Variants in VPS13D observed in about 807,000 individuals in gnomAD.
The protein encoded by VPS13D is vacuolar protein sorting 13 homolog D.
VPS13D carries 187 observed loss-of-function variants against 461.9 expected under a neutral mutation model. That is an observed-to-expected ratio of 0.40 (90% CI 0.36 to 0.46). VPS13D has a LOEUF of 0.46. VPS13D is among the 20% of genes least tolerant of loss of function. The probability of loss-of-function intolerance (pLI) is 0.60; values close to 1 mark genes in which losing one functional copy is unlikely to be tolerated. For synonymous variants in VPS13D, 1,951 were observed against 1,986.3 expected, an observed-to-expected ratio of 0.98 and a Z score of 0.47; for missense variants, 4,711 against 5,364.9, an observed-to-expected ratio of 0.88 and a Z score of 3.81.
intron 52 of VPS13D, among the ~76,000 whole-genome samples, chr1:12,364,759 A>C (rs1199650211): frequency 6.6e-6 from 1 of 152,174 alleles, no homozygotes. Context: ...AGTGATGTTG[A>C]GCATCTTTTC....
At position 12,338,088 on chromosome 1, in the gene VPS13D, ATC is replaced by A. The variant is rs1569944466; in HGVS notation, c.8552-142_8552-141del. 4 of 690,778 alleles carry A rather than the reference ATC, an allele frequency of 5.8e-6. No homozygotes were observed. The East Asian group carries it at 1.0e-4, about 17-fold the overall frequency. The allele number at this position is 690,778 out of a possible 1,614,324, so 42.8% of individuals were successfully genotyped here. On this transcript the variant is annotated intron_variant, in intron 39 of 69. Transcript: ENST00000620676. ...TCAAGTACATTCGTAGTGCTTAGTA[ATC>A]ACTGATGGGAATGACTCTGTACTTG... is the stretch of plus-strand genomic sequence containing the variant.
chr1:12,358,472 A>T lies in VPS13D; in HGVS notation c.10012A>T (p.Ile3338Phe). Residue 3338 changes from isoleucine to phenylalanine, a missense_variant, in exon 50 of 70, where the codon ATC (isoleucine) becomes TTC (phenylalanine). This residue lies in a region of VPS13D where 4,411 missense variants were observed against 4,937.8 expected (regional missense o/e 0.89). Coordinates refer to ENST00000620676, the MANE Select transcript of VPS13D (RefSeq NM_015378.4). ...TCTGCCCCACAGCTGCACGATGAGA[A>T]TCGGAAGGGGGATTCATCCAGAAGG... ...KEQPNLCTMR[I>F]GRGIHPEGMP... 1 of 1,614,046 alleles carries T rather than the reference A, an allele frequency of 6.2e-7. No homozygotes were observed. Among genetic ancestry groups the T allele is most frequent in the Non-Finnish European group, 8.5e-7 (1 of 1,179,972 alleles).
Position 12,234,229 on chromosome 1 carries a change from T to C in VPS13D, c.-38T>C, listed in dbSNP as rs1260567786. 1 of 1,370,732 alleles carries C rather than the reference T, an allele frequency of 7.3e-7. No homozygotes were observed. The highest frequency in any genetic ancestry group is 1.0e-6 in the Non-Finnish European group (1 of 969,050). The allele number at this position is 1,370,732 out of a possible 1,614,324, so 84.9% of individuals were successfully genotyped here. On this transcript the variant is annotated 5_prime_UTR_variant, in exon 2 of 70. Coordinates refer to ENST00000620676, the MANE Select transcript of VPS13D (RefSeq NM_015378.4). ...CATGAAAGAGAGAAATAAAGAATGATCCATGATTTCTAAACACCTTTTCCT... is the reference window on the plus strand; with the variant it reads ...CATGAAAGAGAGAAATAAAGAATGACCCATGATTTCTAAACACCTTTTCCT...
intron 63 of VPS13D, among the ~76,000 whole-genome samples, chr1:12,404,598 C>T (rs1644626093): frequency 6.6e-6 from 1 of 152,192 alleles, no homozygotes; most frequent in Non-Finnish European, 1.5e-5. Context: ...AGTTTATCTT[C>T]ATCAAGGAAG....
chr1:12,389,611 A>C (rs1178068187), intron 60 of VPS13D, among the ~76,000 whole-genome samples: 1 of 152,230 alleles, frequency 6.6e-6, no homozygotes, highest in East Asian at 1.9e-4. Flanking sequence ...AGAAAGAGGA[A>C]ATACTCATGA....
chr1:12,488,227 A>G (rs934927843), intron 67 of VPS13D, among the ~76,000 whole-genome samples: 2 of 152,238 alleles, frequency 1.3e-5, no homozygotes, highest in Non-Finnish European at 2.9e-5. Flanking sequence ...ATAATTCTGA[A>G]TAAAGGTAGG....
At chr1:12,403,667 AATACT>A (rs780856284) in intron 62 of VPS13D, among the ~76,000 whole-genome samples, 153 bp from the exon 63 acceptor site, 132 of 152,354 alleles carry the variant, frequency 8.7e-4, no homozygotes, top group Admixed American at 4.2e-3. Flanking sequence ...ATGGCATCAG[AATACT>A]ATACACGTCA....
chr1:12,349,011 A>T, intron 45 of VPS13D, 38 bp downstream of exon 45: 1 of 1,613,252 alleles, frequency 6.2e-7, no homozygotes, highest in Non-Finnish European at 8.5e-7. Flanking sequence ...AAATGCTGAT[A>T]AATACTTCTT....
chr1:12,496,084 C>T (rs941385173), intron 67 of VPS13D, among the ~76,000 whole-genome samples: 4 of 152,088 alleles, frequency 2.6e-5, no homozygotes, highest in Non-Finnish European at 4.4e-5. Context: ...TTGAGACTGG[C>T]GGGGTATGTG....
chr1:12,255,204 A>G (rs1312161487), intron 7 of VPS13D, among the ~76,000 whole-genome samples: 1 of 151,908 alleles, frequency 6.6e-6, no homozygotes, highest in African/African-American at 2.4e-5. Flanking sequence ...CCTCGGCTTC[A>G]CAAAGTGCTG....
chr1:12,366,664 T>C (rs566324867), intron 52 of VPS13D, among the ~76,000 whole-genome samples: 13 of 152,238 alleles, frequency 8.5e-5, no homozygotes, highest in Non-Finnish European at 1.6e-4. Context: ...CCTAAACTAC[T>C]GCGAACAGAC....
intron 65 of VPS13D, among the ~76,000 whole-genome samples, chr1:12,421,135 T>A (rs1228330203): frequency 6.6e-6 from 1 of 152,200 alleles, no homozygotes; most frequent in Non-Finnish European, 1.5e-5. Context: ...CCTTTCTTTC[T>A]CATCTCCCAA....
At chr1:12,498,194 C>T (rs1477267237) in intron 68 of VPS13D, among the ~76,000 whole-genome samples, 2 of 152,142 alleles carry the variant, frequency 1.3e-5, no homozygotes, top group Non-Finnish European at 2.9e-5. Context: ...TTGCAGAGAT[C>T]CTTGTAGCAT....
intron 13 of VPS13D, among the ~76,000 whole-genome samples, chr1:12,262,675 G>A (rs981922375): frequency 6.6e-6 from 1 of 151,894 alleles, no homozygotes; most frequent in Non-Finnish European, 1.5e-5. Context: ...TTAGGTATAT[G>A]AAATGCATTT....
chr1:12,454,701 C>G (rs1328220413), intron 65 of VPS13D, among the ~76,000 whole-genome samples: 1 of 152,234 alleles, frequency 6.6e-6, no homozygotes, highest in Non-Finnish European at 1.5e-5. Flanking sequence ...CGCACCCTAA[C>G]CCCCTTGCCA....
intron 63 of VPS13D, chr1:12,407,184 G>A (rs1314441742): frequency 6.6e-6 from 1 of 152,166 alleles, no homozygotes; most frequent in African/African-American, 2.4e-5. Flanking sequence ...AGGGAAATAG[G>A]CAAATACCCT....
At position 12,279,552 on chromosome 1, in the gene VPS13D, A is replaced by G. The variant is rs1386421262; in HGVS notation, c.4504A>G (p.Ile1502Val). The G allele has an allele frequency of 6.2e-6, 10 of 1,613,090 alleles. No individual in the cohort carries two copies. The highest frequency in any genetic ancestry group is 2.2e-5 in the South Asian group (2 of 90,960). ...TCAGTTTAAACTGGAGAAGATCCCT[A>G]TAGAGAGAGAATCTGAATTGACTTT... ...TIQFKLEKIP[I>V]ERESELTFSL... is the part of the protein sequence containing the mutation. The change falls in exon 20 of 70, where the codon ATA becomes GTA. Residue 1502 changes from isoleucine (I) to valine (V), a missense_variant. By Grantham distance (29) the Ile-to-Val change is conservative. Around this residue, in one of 3 missense-constraint regions of VPS13D, gnomAD observed 4,411 missense variants for 4,937.8 expected, o/e 0.89. Coordinates refer to ENST00000620676, the MANE Select transcript of VPS13D (RefSeq NM_015378.4). This position sits in a 1 kb window ranked among gnomAD's most constrained non-coding sequence, Gnocchi z 4.3.
At chr1:12,471,950 A>T (rs369843435) in intron 67 of VPS13D, among the ~76,000 whole-genome samples, 1 of 152,086 alleles carries the variant, frequency 6.6e-6, no homozygotes, top group Non-Finnish European at 1.5e-5. Context: ...TCCTATTGCT[A>T]ATTTATCCAC....
intron 22 of VPS13D, among the ~76,000 whole-genome samples, chr1:12,290,644 A>AC (rs1204791219): frequency 4.0e-5 from 6 of 151,528 alleles, no homozygotes; most frequent in Admixed American, 1.3e-4. Context: ...AATGGCGTGA[A>AC]CCCGGGAGGC....
Sources: gnomAD v4.1 joint callset for allele counts (sites outside exome capture counted in the v4.1 genomes callset) on GRCh38, gnomAD v4.1.1 for gene constraint, gnomAD v4.1.1 regional missense constraint, Gnocchi (gnomAD v3.1) non-coding constraint, MANE v1.5 for transcripts, NCBI Gene and HGNC (gene_info 2026-07-23, HGNC 2026-07-21) for gene names.